The following SLC71A1 variants were observed in gnomAD, a reference collection of about 807,000 sequenced individuals.
SLC71A1 encodes the protein hippocampus abundant gene transcript 1.
chr1:100,038,352 G>GAGA, the SLC71A1 span: 1 of 1,539,250 alleles, frequency 6.5e-7, no homozygotes, highest in Non-Finnish European at 8.8e-7. Flanking sequence ...CGTCCCTCGG[G>GAGA]GCCCCCATCC....
At chr1:100,060,267 C>T in the SLC71A1 span, among the ~76,000 whole-genome samples, 1 of 152,070 alleles carries the variant, frequency 6.6e-6, no homozygotes, top group South Asian at 2.1e-4. Flanking sequence ...ACCCAAATTT[C>T]AAAACAATAT....
At chr1:100,050,825 G>A in the SLC71A1 span, among the ~76,000 whole-genome samples, 2 of 152,156 alleles carry the variant, frequency 1.3e-5, no homozygotes, top group East Asian at 3.9e-4. Context: ...AGTTGCTTAT[G>A]CCTGTAATCC....
the SLC71A1 span, among the ~76,000 whole-genome samples, chr1:100,076,736 A>G: frequency 6.6e-6 from 1 of 152,220 alleles, no homozygotes; most frequent in Non-Finnish European, 1.5e-5. Context: ...CAACAGATTA[A>G]CTTAGGTAAA....
the SLC71A1 span, among the ~76,000 whole-genome samples, chr1:100,081,786 G>A: frequency 6.6e-6 from 1 of 152,104 alleles, no homozygotes; most frequent in African/African-American, 2.4e-5. Flanking sequence ...TAATATTTTC[G>A]CATAGGCTGT....
the SLC71A1 span, among the ~76,000 whole-genome samples, chr1:100,057,127 C>T: frequency 2.9e-3 from 438 of 152,278 alleles, 1 homozygote; most frequent in African/African-American, 0.01. Flanking sequence ...GTTGTCTCTT[C>T]ACTTTGTTGT....
the SLC71A1 span, among the ~76,000 whole-genome samples, chr1:100,054,646 G>A: frequency 6.6e-6 from 1 of 152,016 alleles, no homozygotes; most frequent in Admixed American, 6.6e-5. Context: ...ATGGTTTCGT[G>A]TCCTTGGCTA....
chr1:100,068,028 T>C, the SLC71A1 span: 1 of 1,614,086 alleles, frequency 6.2e-7, no homozygotes, highest in African/African-American at 1.3e-5. Context: ...AATTGGAGCT[T>C]ATCTTGGACG....
the SLC71A1 span, among the ~76,000 whole-genome samples, chr1:100,043,808 T>A: frequency 0.011 from 1,727 of 152,372 alleles, 14 homozygotes; most frequent in Middle Eastern, 0.02. Context: ...ACATACGACA[T>A]TTGGTTTTCC....
At chr1:100,061,853 C>G in the SLC71A1 span, 1 of 1,611,026 alleles carries the variant, frequency 6.2e-7, no homozygotes, top group Non-Finnish European at 8.5e-7. Flanking sequence ...TTGCTGTTAT[C>G]TCTGTTTCTG....
chr1:100,074,773 G>T, the SLC71A1 span, among the ~76,000 whole-genome samples: 8 of 152,142 alleles, frequency 5.3e-5, no homozygotes, highest in Non-Finnish European at 1.5e-5. Flanking sequence ...TACTCGGGAG[G>T]CTGAGGCAGA....
the SLC71A1 span, chr1:100,038,221 G>T: frequency 5.2e-6 from 8 of 1,552,986 alleles, no homozygotes; most frequent in Non-Finnish European, 7.0e-6. Flanking sequence ...GCCAGGAATC[G>T]AGGATGGTAA....
the SLC71A1 span, among the ~76,000 whole-genome samples, chr1:100,077,597 G>A: frequency 6.6e-6 from 1 of 152,156 alleles, no homozygotes; most frequent in Non-Finnish European, 1.5e-5. Flanking sequence ...TAGCAACAAG[G>A]CCCTGAAAGT....
At chr1:100,041,683 G>T in the SLC71A1 span, among the ~76,000 whole-genome samples, 1 of 152,198 alleles carries the variant, frequency 6.6e-6, no homozygotes, top group Non-Finnish European at 1.5e-5. Context: ...CAGCACTTTG[G>T]GAGGCCAGTG....
the SLC71A1 span, chr1:100,061,988 A>G: frequency 5.1e-6 from 6 of 1,173,952 alleles, no homozygotes; most frequent in Middle Eastern, 2.1e-4. Flanking sequence ...ATCTGCTGAG[A>G]AATGCCTTGT....
the SLC71A1 span, chr1:100,082,210 C>A: frequency 6.8e-6 from 11 of 1,612,506 alleles, no homozygotes; most frequent in South Asian, 1.2e-4. Context: ...AAATGTGTGA[C>A]GACTGAAATC....
At chr1:100,068,654 C>A in the SLC71A1 span, 8 of 911,364 alleles carry the variant, frequency 8.8e-6, no homozygotes, top group African/African-American at 1.3e-4. Context: ...AATATTTAAT[C>A]TTGAGAGAAC....
chr1:100,064,330 C>T, the SLC71A1 span, among the ~76,000 whole-genome samples: 2 of 152,122 alleles, frequency 1.3e-5, no homozygotes, highest in Non-Finnish European at 2.9e-5. Flanking sequence ...CGGGGTTTCA[C>T]CATATTGGCC....
chr1:100,038,113 C>T, the SLC71A1 span: 4 of 871,052 alleles, frequency 4.6e-6, no homozygotes, highest in Non-Finnish European at 7.4e-6. Context: ...GCCGGGCCCT[C>T]AAGATGGCGG....
chr1:100,081,139 A>G, the SLC71A1 span, among the ~76,000 whole-genome samples: 1 of 152,070 alleles, frequency 6.6e-6, no homozygotes, highest in East Asian at 1.9e-4. Context: ...TTATCTTCCA[A>G]CCCACTAAGA....
Sources: gnomAD v4.1 joint callset for allele counts (sites outside exome capture counted in the v4.1 genomes callset) on GRCh38, gnomAD v4.1.1 for gene constraint, MANE v1.5 for transcripts, NCBI Gene and HGNC (gene_info 2026-07-23, HGNC 2026-07-21) for gene names.